Variants in MAMDC2 observed in about 807,000 individuals in gnomAD.
MAMDC2 encodes MAM domain containing 2, also known as MAM domain-containing protein 2.
MAMDC2 carries 57 observed loss-of-function variants against 89.8 expected under a neutral mutation model. That is an observed-to-expected ratio of 0.63 (90% confidence interval 0.51 to 0.79). The LOEUF (loss-of-function observed/expected upper bound fraction) is 0.79. Among genes scored for constraint, MAMDC2 ranks in the 30% least tolerant of loss-of-function variants. The pLI is 0.00. For missense variants in MAMDC2, 800 were observed against 820.6 expected, an observed-to-expected ratio of 0.97 and a Z score of 0.31; for synonymous variants, 313 against 293.4, an observed-to-expected ratio of 1.07 and a Z score of -0.68.
chr9:70,068,744 A>AC (rs1491339836), intron 2 of MAMDC2, among the ~76,000 whole-genome samples: 1 of 148,942 alleles, frequency 6.7e-6, no homozygotes, highest in East Asian at 2.0e-4. Flanking sequence ...AAAAAAAAAA[A>AC]GGCAATAGGG....
At chr9:70,061,567 T>C (rs954849724) in intron 2 of MAMDC2, among the ~76,000 whole-genome samples, 24 of 152,162 alleles carry the variant, frequency 1.6e-4, no homozygotes, top group Non-Finnish European at 3.1e-4. Context: ...AACCAGGAAC[T>C]GGACTAAGGT....
At chr9:70,216,821 C>G (rs1037876865) in intron 11 of MAMDC2, among the ~76,000 whole-genome samples, 1 of 152,184 alleles carries the variant, frequency 6.6e-6, no homozygotes, top group Non-Finnish European at 1.5e-5. Flanking sequence ...CATTACTATT[C>G]ATATATAGTT....
At chr9:70,056,433 T>C (rs1168338640) in intron 2 of MAMDC2, among the ~76,000 whole-genome samples, 1 of 152,220 alleles carries the variant, frequency 6.6e-6, no homozygotes, top group African/African-American at 2.4e-5. Flanking sequence ...TCTTTTTTCT[T>C]TTTCATAAAT....
intron 11 of MAMDC2, among the ~76,000 whole-genome samples, chr9:70,206,833 A>G (rs564061082): frequency 1.3e-5 from 2 of 152,078 alleles, no homozygotes; most frequent in East Asian, 3.9e-4. Flanking sequence ...CCTGTGTCCA[A>G]GTGTTCTCAT....
chr9:70,122,276 C>T (rs934833206), intron 5 of MAMDC2, among the ~76,000 whole-genome samples: 1 of 152,192 alleles, frequency 6.6e-6, no homozygotes, highest in African/African-American at 2.4e-5. Flanking sequence ...GTTGTGTTTT[C>T]TGGATGCTTT....
chr9:70,086,025 T>C (rs1003607677), intron 2 of MAMDC2: 9 of 152,086 alleles, frequency 5.9e-5, no homozygotes, highest in African/African-American at 2.2e-4. Context: ...TTGGAGTATA[T>C]ATTTGCATAA....
At chr9:70,201,804 G>T (rs1217365062) in intron 11 of MAMDC2, among the ~76,000 whole-genome samples, 1 of 146,704 alleles carries the variant, frequency 6.8e-6, no homozygotes, top group Non-Finnish European at 1.5e-5. Flanking sequence ...GTCGAGGAAT[G>T]TATCCATTTC....
At chr9:70,044,774 A>C (rs934212732) in intron 2 of MAMDC2, 77 bp downstream of exon 2, 4 of 1,038,220 alleles carry the variant, frequency 3.9e-6, no homozygotes, top group Non-Finnish European at 5.8e-6. Flanking sequence ...CACATGGGTA[A>C]TGTTATCTTG....
chr9:70,217,696 A>T, intron 11 of MAMDC2: 1 of 1,402,170 alleles, frequency 7.1e-7, no homozygotes, highest in Middle Eastern at 2.5e-4. Context: ...TTAAATAAAG[A>T]TTGGATTATA....
chr9:70,070,949 C>A (rs1827391162), intron 2 of MAMDC2, among the ~76,000 whole-genome samples: 1 of 152,030 alleles, frequency 6.6e-6, no homozygotes, highest in Non-Finnish European at 1.5e-5. Flanking sequence ...GCAAGGCCTT[C>A]AAAAAATCAT....
At chr9:70,064,820 G>C (rs1827228686) in intron 2 of MAMDC2, among the ~76,000 whole-genome samples, 1 of 152,186 alleles carries the variant, frequency 6.6e-6, no homozygotes, top group Admixed American at 6.5e-5. Context: ...CAAATGACTT[G>C]TGTAAGGTAA....
intron 12 of MAMDC2, 108 bp downstream of exon 12, chr9:70,218,704 TAGAC>T: frequency 7.7e-7 from 1 of 1,301,084 alleles, no homozygotes; most frequent in Non-Finnish European, 1.0e-6. Context: ...TTCAGGGTCA[TAGAC>T]AAAGGCAGGA....
chr9:70,157,692 C>G (rs79757387), intron 9 of MAMDC2: 7,124 of 152,502 alleles, frequency 0.047, 201 homozygotes, highest in South Asian at 0.073. Flanking sequence ...ATCTTCAAAC[C>G]AAGACATTTG....
At chr9:70,223,129 T>G (rs1305464433) in intron 12 of MAMDC2, among the ~76,000 whole-genome samples, 2 of 68,774 alleles carry the variant, frequency 2.9e-5, no homozygotes, top group African/African-American at 1.2e-4. Context: ...CAAGACTCTG[T>G]CTCAAAAAAA....
At chr9:70,102,418 A>G (rs1024770929) in intron 2 of MAMDC2, among the ~76,000 whole-genome samples, 12 of 152,274 alleles carry the variant, frequency 7.9e-5, no homozygotes, top group African/African-American at 2.6e-4. Context: ...TGCCCTGACC[A>G]TGCTGCCACA....
At chr9:70,166,449 G>A (rs1490394717) in intron 9 of MAMDC2, among the ~76,000 whole-genome samples, 1 of 151,496 alleles carries the variant, frequency 6.6e-6, no homozygotes, top group Non-Finnish European at 1.5e-5. Flanking sequence ...AAACTTTCCA[G>A]TCTTTTTCTA....
chr9:70,109,767 A>G lies in MAMDC2; in HGVS notation c.468A>G (p.Ala156=). The G allele has an allele frequency of 1.2e-6, 2 of 1,614,088 alleles. No homozygotes were observed. The highest frequency in any genetic ancestry group is 1.7e-6 in the Non-Finnish European group (2 of 1,179,924). ...VLGQGNTASI[A]LFEIKMTTGY... is the part of the protein sequence containing the mutation. ...GACAGGGAAACACAGCCAGCATCGC[A>G]CTATTTGAAATCAAGATGACAACCG... Residue 156 remains alanine (A), a synonymous_variant, in exon 4 of 14, where the codon GCA becomes GCG. Coordinates refer to ENST00000377182, the MANE Select transcript of MAMDC2 (RefSeq NM_153267.5).
At chr9:70,107,703 A>T (rs552319369) in intron 2 of MAMDC2, among the ~76,000 whole-genome samples, 2 of 152,332 alleles carry the variant, frequency 1.3e-5, no homozygotes, top group African/African-American at 4.8e-5. Context: ...CTACATAATG[A>T]TGCAAGTTAA....
rs557899456 is a variant in MAMDC2, at chr9:70,199,686, A to G, written c.1652-18651A>G. Among the ~76,000 whole-genome samples the G allele has an allele frequency of 1.2e-4, 13 of 106,452 alleles. No individual in the cohort carries two copies. In the South Asian group the frequency reaches 1.6e-3, roughly 13 times the overall value. 69.8% of individuals were successfully genotyped at this position (106,452 alleles called of 152,430 possible). ...CCACCAACAGTGTAAAAGTGTTCCT[A>G]TTTCTCCACATCCTCTCCAGCACCT... is the stretch of plus-strand genomic sequence containing the variant. On this transcript the variant is annotated intron_variant, in intron 11 of 13. Coordinates refer to ENST00000377182, the MANE Select transcript of MAMDC2 (RefSeq NM_153267.5).
Sources: allele counts gnomAD v4.1 joint callset (sites outside exome capture counted in the v4.1 genomes callset), GRCh38; gene constraint gnomAD v4.1.1; transcripts MANE v1.5; gene names NCBI Gene and HGNC (gene_info 2026-07-23, HGNC 2026-07-21).